Variants in FRMD6 observed in about 807,000 individuals in gnomAD.
FRMD6 encodes the protein FERM domain containing 6.
FRMD6 carries 37 observed loss-of-function variants against 73.2 expected under a neutral mutation model. The ratio of observed to expected loss-of-function variants is 0.51; its 90% confidence interval spans 0.39 to 0.66. The LOEUF is 0.66. FRMD6 is among the 30% of genes least tolerant of loss of function. The probability of loss-of-function intolerance (pLI) is 0.00; values close to 1 mark genes in which losing one functional copy is unlikely to be tolerated. For missense variants in FRMD6, 714 were observed against 780.5 expected, an observed-to-expected ratio of 0.91 and a Z score of 1.02; for synonymous variants, 273 against 282.2, an observed-to-expected ratio of 0.97 and a Z score of 0.33.
the FRMD6 span, among the ~76,000 whole-genome samples, chr14:51,403,554 CT>C: frequency 3.3e-5 from 5 of 152,098 alleles, no homozygotes; most frequent in Admixed American, 6.5e-5. Context: ...GCATGCACCA[CT>C]GTGCACAGCT....
chr14:51,581,190 C>G (rs75578429), intron 2 of FRMD6, among the ~76,000 whole-genome samples: 3,595 of 152,216 alleles, frequency 0.024, 78 homozygotes, highest in East Asian at 0.086. Flanking sequence ...AACATGCATC[C>G]GCCCACACTT....
In FRMD6 at chr14:51,530,146, A is replaced by G. The variant is rs1236860068; in HGVS notation, c.-209-40202A>G. ...AAAGGTAGTAAATACTCAGTTAATC[A>G]TTTCTTAATTATTTTACTGCATTTT... On this transcript the variant is annotated intron_variant, in intron 1 of 14. Coordinates refer to the FRMD6 transcript ENST00000356218. Among the ~76,000 whole-genome samples, 3 of 152,280 alleles carry G rather than the reference A, an allele frequency of 2.0e-5. No homozygotes were observed. The East Asian group carries it at 5.8e-4, about 29-fold the overall frequency.
intron 1 of FRMD6, among the ~76,000 whole-genome samples, chr14:51,503,369 C>T (rs570495732): frequency 7.2e-5 from 11 of 152,078 alleles, no homozygotes; most frequent in African/African-American, 2.7e-4. Flanking sequence ...GAGGTATGTT[C>T]CTTCAATACC....
intron 1 of FRMD6, among the ~76,000 whole-genome samples, chr14:51,657,782 C>G (rs996707808): frequency 6.6e-6 from 1 of 152,160 alleles, no homozygotes; most frequent in African/African-American, 2.4e-5. Context: ...AAAGGTTCCA[C>G]TCAGCCACTG....
intron 3 of FRMD6, among the ~76,000 whole-genome samples, chr14:51,699,579 G>A (rs928989848): frequency 1.3e-5 from 2 of 151,942 alleles, no homozygotes; most frequent in African/African-American, 2.4e-5. Context: ...TTCTAATTCC[G>A]GTTGCACCCC....
chr14:51,423,403 C>T, the FRMD6 span, among the ~76,000 whole-genome samples: 4 of 152,196 alleles, frequency 2.6e-5, no homozygotes, highest in Non-Finnish European at 5.9e-5. Flanking sequence ...TTCTTCTCAG[C>T]TTGCGTGTAG....
the FRMD6 span, among the ~76,000 whole-genome samples, chr14:51,429,440 T>C: frequency 6.6e-6 from 1 of 152,198 alleles, no homozygotes; most frequent in Non-Finnish European, 1.5e-5. Context: ...TTTTGTTTGT[T>C]TGTTTCCCTC....
rs74052652 is a variant in FRMD6 at position 51,654,102 on chromosome 14, G to A, written c.-147+2106G>A. ...TATTTCCAGTATCTCCTTTTTGGGG[G>A]CAACAAGGGTAAGCTGCTAGTTTTA... On this transcript the variant is annotated intron_variant, in intron 1 of 13. Coordinates refer to ENST00000344768, the MANE Select transcript of FRMD6 (RefSeq NM_001267046.2). Among the ~76,000 whole-genome samples the A allele has an allele frequency of 6.7e-3, 1,023 of 152,172 alleles. 12 individuals carry two copies. The highest frequency in any genetic ancestry group is 0.023 in the African/African-American group (966 of 41,504).
chr14:51,484,380 TG>T (rs1158610225), upstream of FRMD6, among the ~76,000 whole-genome samples: 1 of 152,098 alleles, frequency 6.6e-6, no homozygotes, highest in African/African-American at 2.4e-5. Context: ...CAAGAAAACT[TG>T]ACTACCACCA....
intron 3 of FRMD6, among the ~76,000 whole-genome samples, chr14:51,699,818 C>A (rs1896185447): frequency 1.3e-5 from 2 of 151,920 alleles, no homozygotes; most frequent in Non-Finnish European, 2.9e-5. Context: ...GGAACTCAAG[C>A]CAAACACAAA....
chr14:51,498,714 C>T (rs569774488), intron 1 of FRMD6, among the ~76,000 whole-genome samples: 54 of 152,238 alleles, frequency 3.5e-4, no homozygotes, highest in African/African-American at 1.1e-3. Context: ...AAGCATTTAT[C>T]GAGCTTCTAA....
intron 1 of FRMD6, among the ~76,000 whole-genome samples, chr14:51,537,237 C>G (rs1338886141): frequency 6.6e-6 from 1 of 152,188 alleles, no homozygotes; most frequent in Non-Finnish European, 1.5e-5. Flanking sequence ...AGAGTGCCAT[C>G]TAGTTGTAAT....
At chr14:51,451,137 G>A in the FRMD6 span, among the ~76,000 whole-genome samples, 8 of 152,244 alleles carry the variant, frequency 5.3e-5, no homozygotes, top group African/African-American at 1.7e-4. Flanking sequence ...CAAGAGCTGA[G>A]GATAAGCAGT....
chr14:51,560,612 G>C (rs1887427648), intron 1 of FRMD6, among the ~76,000 whole-genome samples: 1 of 152,176 alleles, frequency 6.6e-6, no homozygotes. Context: ...AGCCTCCCAA[G>C]TAGCTGGGAT....
At chr14:51,700,011 A>G (rs77137172) in intron 3 of FRMD6, among the ~76,000 whole-genome samples, 1,843 of 152,018 alleles carry the variant, frequency 0.012, 49 homozygotes, top group African/African-American at 0.042. Context: ...TTTATAACCA[A>G]CGAGTAACTT....
chr14:51,724,537 A>G (rs1013555583), intron 12 of FRMD6, among the ~76,000 whole-genome samples: 5 of 152,244 alleles, frequency 3.3e-5, no homozygotes, highest in Non-Finnish European at 5.9e-5. Context: ...TAAAGTGTCT[A>G]CTTGTAAACC....
chr14:51,727,600 T>C (rs1272718805), intron 13 of FRMD6, 145 bp from the exon 14 acceptor site: 11 of 690,260 alleles, frequency 1.6e-5, no homozygotes, highest in Non-Finnish European at 2.2e-5. Flanking sequence ...TATTTCCCCA[T>C]ACAGCCCAGA....
chr14:51,477,283 A>G, the FRMD6 span, among the ~76,000 whole-genome samples: 1 of 152,224 alleles, frequency 6.6e-6, no homozygotes, highest in African/African-American at 2.4e-5. Flanking sequence ...GAAGGCTAAA[A>G]CACCATTTTA....
At chr14:51,722,697 C>A (rs116917604) in intron 12 of FRMD6, among the ~76,000 whole-genome samples, 41 of 152,182 alleles carry the variant, frequency 2.7e-4, no homozygotes, top group Non-Finnish European at 4.6e-4. Flanking sequence ...CTTTAAAAAA[C>A]GGCAGCAGTA....
Sources: gnomAD v4.1 joint callset for allele counts (sites outside exome capture counted in the v4.1 genomes callset) on GRCh38, gnomAD v4.1.1 for gene constraint, MANE v1.5 for transcripts, NCBI Gene and HGNC (gene_info 2026-07-23, HGNC 2026-07-21) for gene names.